IDI1: variants seen among roughly 807,000 people sequenced by gnomAD.
IDI1 encodes isopentenyl-diphosphate delta isomerase 1.
Under a neutral mutation model 32.9 loss-of-function variants are expected in IDI1, and 23 were observed. The ratio of observed to expected loss-of-function variants is 0.70; its 90% CI spans 0.50 to 0.99. IDI1 has a LOEUF of 0.99. Ranked by LOEUF, IDI1 falls within the 50% of genes least tolerant of loss-of-function variation. The pLI, the probability that IDI1 is intolerant of heterozygous loss-of-function variation, is 0.00. For missense variants in IDI1, 326 were observed against 351.9 expected (o/e 0.93, Z 0.59); for synonymous variants, 133 against 128.2 (o/e 1.04, Z -0.25).
intron 4 of IDI1, among the ~76,000 whole-genome samples, chr10:1,042,386 T>C (rs1445329567): frequency 2.6e-5 from 4 of 152,188 alleles, no homozygotes; most frequent in South Asian, 2.1e-4. Flanking sequence ...TGATCAATTA[T>C]AGAAATATTC....
chr10:1,055,712 C>CT, the IDI1 span, among the ~76,000 whole-genome samples: 1 of 88,846 alleles, frequency 1.1e-5, no homozygotes. Context: ...AATAACTTCA[C>CT]TTCTTTTTTT....
At chr10:1,055,645 G>C in the IDI1 span, among the ~76,000 whole-genome samples, 1 of 151,514 alleles carries the variant, frequency 6.6e-6, no homozygotes, top group Non-Finnish European at 1.5e-5. Context: ...TTTCCTTGGC[G>C]TTCCTCTTAC....
At position 1,048,900 on chromosome 10, in the gene IDI1, G is replaced by A. The variant is rs750196803; in HGVS notation, c.104C>T (p.Pro35Leu). 9 of 1,606,472 alleles carry A rather than the reference G, an allele frequency of 5.6e-6. No homozygotes were observed. In the African/African-American group the frequency reaches 6.8e-5, roughly 12 times the overall value. The change falls in exon 1 of 5, where the codon CCG becomes CTG. Residue 35 changes from proline (P) to leucine (L), a missense_variant. Around this residue, in one of 2 missense-constraint regions of IDI1, gnomAD observed 121 missense variants for 78.4 expected, o/e 1.54. Transcript: ENST00000381344. Reference sequence around the variant, plus strand: ...CCGGCCACAGACAACCGCCGGTCCCGGATGGCGCCCGCTTTGAGCACAGTC... The same window carrying A: ...CCGGCCACAGACAACCGCCGGTCCCAGATGGCGCCCGCTTTGAGCACAGTC... ...AADCAQSGRHPGPAVVCGRRL... is the reference protein window; with the variant it reads ...AADCAQSGRHLGPAVVCGRRL...
At chr10:1,041,728 G>A (rs1034006756) in intron 4 of IDI1, among the ~76,000 whole-genome samples, 17 of 141,606 alleles carry the variant, frequency 1.2e-4, no homozygotes, top group African/African-American at 4.3e-4. Context: ...TTTTTTTCCC[G>A]ATCAGATAAG....
chr10:1,048,788 C>T lies in IDI1; in HGVS notation c.140+76G>A, dbSNP rs549991129. 4 of 1,549,614 alleles carry T rather than the reference C, an allele frequency of 2.6e-6. No homozygotes were observed. The African/African-American group carries it at 5.6e-5, about 22-fold the overall frequency. ...CACGGGTGGCTCAGACCTCGGGCCT[C>T]CTCCCCGCCCCGTCCCGCAGCTCCC... On this transcript the variant is annotated intron_variant, in intron 1 of 4. Transcript: ENST00000381344.
At position 1,049,006 on chromosome 10, in the gene IDI1, C is replaced by G. The variant is rs768239444; in HGVS notation, c.-3G>C. On this transcript the variant is annotated 5_prime_UTR_variant, in exon 1 of 5. Coordinates refer to ENST00000381344, the MANE Select transcript of IDI1 (RefSeq NM_004508.4). ...GCCAGCGCCAGTCCACGCCACATCG[C>G]CCGGCCAATTGGCGCCCGTACGCGC... 181 of 1,487,412 alleles carry G rather than the reference C, an allele frequency of 1.2e-4. No homozygotes were observed. Among genetic ancestry groups the G allele is most frequent in the Non-Finnish European group, 1.6e-4 (178 of 1,128,048 alleles). The allele number at this position is 1,487,412 out of a possible 1,614,324, so 92.1% of individuals were successfully genotyped here. A position where few individuals can be genotyped will look rare whatever the true frequency, so the allele number is the denominator to read the frequency against.
At position 1,042,871 on chromosome 10, in the gene IDI1, T is replaced by A. The variant is rs1159816999; in HGVS notation, c.407-109A>T. ...AAAATGAAATGATTTTTAAGGATTT[T>A]AAAATCAGTTATAATGGGCTATCAG... On this transcript the variant is annotated intron_variant, in intron 3 of 4. Coordinates refer to ENST00000381344, the MANE Select transcript of IDI1 (RefSeq NM_004508.4). 3 of 973,914 alleles carry A rather than the reference T, an allele frequency of 3.1e-6. No homozygotes were observed. In the East Asian group the frequency reaches 7.7e-5, roughly 25 times the overall value. The allele number at this position is 973,914 out of a possible 1,614,324, so 60.3% of individuals were successfully genotyped here.
chr10:1,045,145 G>A (rs1323445620), intron 1 of IDI1, among the ~76,000 whole-genome samples: 2 of 152,260 alleles, frequency 1.3e-5, no homozygotes, highest in African/African-American at 4.8e-5. Context: ...TCCTACCTTA[G>A]TGCATCAAAC....
intron 1 of IDI1, among the ~76,000 whole-genome samples, chr10:1,046,389 C>T (rs1418529107): frequency 2.0e-5 from 3 of 152,328 alleles, no homozygotes; most frequent in Admixed American, 6.5e-5. Flanking sequence ...GTTACAACTG[C>T]CCACATTATT....
chr10:1,053,998 C>T (rs1352125859), upstream of IDI1, among the ~76,000 whole-genome samples: 2 of 152,186 alleles, frequency 1.3e-5, no homozygotes, highest in Non-Finnish European at 2.9e-5. Context: ...ACACATAAAA[C>T]ATTTATCGAC....
intron 3 of IDI1, 117 bp from the exon 4 acceptor site, chr10:1,042,879 G>A: frequency 1.2e-6 from 1 of 816,066 alleles, no homozygotes. Flanking sequence ...TTTAAAATCA[G>A]TTATAATGGG....
At chr10:1,043,233 A>C in intron 3 of IDI1, 68 bp downstream of exon 3, 1 of 964,786 alleles carries the variant, frequency 1.0e-6, no homozygotes, top group Non-Finnish European at 1.6e-6. Flanking sequence ...CTTGGCTCCA[A>C]GAATTCAGAA....
chr10:1,044,156 G>T lies in IDI1; in HGVS notation c.156C>A (p.Ile52=), dbSNP rs758382333. 6.2e-7 allele frequency: 1 copy of T among 1,612,978 alleles called. No individual in the cohort carries two copies. The highest frequency in any genetic ancestry group is 1.1e-5 in the South Asian group (1 of 91,020). Residue 52 remains isoleucine, a synonymous_variant, in exon 2 of 5, where the codon ATC becomes ATA. Coordinates refer to ENST00000381344, the MANE Select transcript of IDI1 (RefSeq NM_004508.4). The stretch of plus-strand genomic sequence containing the variant: ...TTTCAGGCATCATTACAAAATGTCT[G>T]ATCTGTTCTAGAACACTAATATTAA... ...GRRLISVLEQ[I]RHFVMMPEIN... is the part of the protein sequence containing the mutation.
chr10:1,045,267 G>C (rs1157421838), intron 1 of IDI1, among the ~76,000 whole-genome samples: 1 of 152,176 alleles, frequency 6.6e-6, no homozygotes, highest in Non-Finnish European at 1.5e-5. Context: ...ATCCAGCAGC[G>C]TCTAAGCTTT....
chr10:1,041,966 GCCCA>G (rs1832609877), intron 4 of IDI1, among the ~76,000 whole-genome samples: 1 of 151,716 alleles, frequency 6.6e-6, no homozygotes, highest in Non-Finnish European at 1.5e-5. Flanking sequence ...GCCCCACCAT[GCCCA>G]GCTAGTTTTT....
intron 3 of IDI1, 94 bp downstream of exon 3, chr10:1,043,207 G>T: frequency 2.6e-6 from 2 of 772,366 alleles, no homozygotes; most frequent in Non-Finnish European, 4.5e-6. Flanking sequence ...CCATTCACAG[G>T]ATTTCCCTTT....
chr10:1,056,608 G>C, the IDI1 span: 1 of 152,394 alleles, frequency 6.6e-6, no homozygotes, highest in East Asian at 1.9e-4. Context: ...CGAACCGCTC[G>C]GCGGCAGGAG....
In IDI1 at chr10:1,043,180, C is replaced by A. The variant is rs1026973853; in HGVS notation, c.406+121G>T. The A allele has an allele frequency of 3.1e-5, 20 of 652,432 alleles. No homozygotes were observed. In the African/African-American group the frequency reaches 3.1e-4, roughly 10 times the overall value. 40.4% of individuals were successfully genotyped at this position (652,432 alleles called of 1,614,324 possible). On this transcript the variant is annotated intron_variant, in intron 3 of 4. Transcript: ENST00000381344. ...ACTCATTGTGTAAACTCACTTTATG[C>A]AGAATATAAAATTATGCCATTCACA... is the stretch of plus-strand genomic sequence containing the variant.
chr10:1,039,952 C>T lies in IDI1; in HGVS notation c.*1235G>A, dbSNP rs1832503969. 1 of 152,144 alleles carries T rather than the reference C, an allele frequency of 6.6e-6. No homozygotes were observed. The highest frequency in any genetic ancestry group is 1.5e-5 in the Non-Finnish European group (1 of 68,010). The allele number at this position is 152,144 out of a possible 1,614,324, so 9.4% of individuals were successfully genotyped here. A position where few individuals can be genotyped will look rare whatever the true frequency, so the allele number is the denominator to read the frequency against. Reference sequence around the variant, plus strand: ...ACTTTTCAATAAAATACTTGCTAAACAGTCTTGTCTGAAATTATAAATTGC... The same window carrying T: ...ACTTTTCAATAAAATACTTGCTAAATAGTCTTGTCTGAAATTATAAATTGC... On this transcript the variant is annotated 3_prime_UTR_variant, in exon 5 of 5. Transcript: ENST00000381344.
Sources: allele counts gnomAD v4.1 joint callset (sites outside exome capture counted in the v4.1 genomes callset), GRCh38; gene constraint gnomAD v4.1.1; regional missense constraint gnomAD v4.1.1; transcripts MANE v1.5; gene names NCBI Gene and HGNC (gene_info 2026-07-23, HGNC 2026-07-21).